Variants in UGT1A8 observed in about 807,000 individuals in gnomAD.
UGT1A8 encodes UDP glucuronosyltransferase family 1 member A8.
A neutral mutation model predicts 45.3 loss-of-function variants in UGT1A8; 39 were observed. The observed-to-expected ratio is 0.86, with a 90% confidence interval of 0.67 to 1.12. The LOEUF (loss-of-function observed/expected upper bound fraction) is 1.12, where lower values mean the gene tolerates loss of function less well. Ranked by LOEUF, UGT1A8 falls within the 50% of genes most tolerant of loss-of-function variation. The probability of loss-of-function intolerance (pLI) is 0.00; values close to 1 mark genes in which losing one functional copy is unlikely to be tolerated. For missense variants in UGT1A8, 719 were observed against 664.9 expected (o/e 1.08, Z -0.90); for synonymous variants, 275 against 249.2 (o/e 1.10, Z -0.97).
intron 1 of UGT1A8, among the ~76,000 whole-genome samples, chr2:233,649,695 T>G (rs539312398): frequency 7.2e-5 from 11 of 152,308 alleles, no homozygotes; most frequent in Non-Finnish European, 1.2e-4. Context: ...CCAGGTGTTT[T>G]TCTGCTAAAG....
chr2:233,672,066 G>T lies in UGT1A8; in HGVS notation c.855+53504G>T, dbSNP rs747820037. The T allele has an allele frequency of 5.0e-6, 8 of 1,614,010 alleles. No individual in the cohort carries two copies. In the African/African-American group the frequency reaches 9.3e-5, roughly 19 times the overall value. On this transcript the variant is annotated intron_variant, in intron 1 of 4. Transcript: ENST00000373450. ...GCCACTGGTTCACCATGAGGTCGGT[G>T]GTGGAGAAACTCATTCTCAGGGGGC...
At chr2:233,625,645 T>C (rs1164050610) in intron 1 of UGT1A8, among the ~76,000 whole-genome samples, 1 of 151,714 alleles carries the variant, frequency 6.6e-6, no homozygotes, top group Non-Finnish European at 1.5e-5. Context: ...TGTAACAACA[T>C]GGATGCAGCT....
At chr2:233,670,093 A>G (rs564949161) in intron 1 of UGT1A8, among the ~76,000 whole-genome samples, 2 of 152,368 alleles carry the variant, frequency 1.3e-5, no homozygotes, top group East Asian at 1.9e-4. Context: ...GGCATGTTAT[A>G]TGTGTTATAT....
chr2:233,648,730 C>G, intron 1 of UGT1A8: 1 of 511,036 alleles, frequency 2.0e-6, no homozygotes, highest in Non-Finnish European at 3.4e-6. Context: ...TCCCAAAGTG[C>G]TGGAATTACA....
chr2:233,675,477 C>T (rs182686828), intron 1 of UGT1A8, among the ~76,000 whole-genome samples: 7 of 152,186 alleles, frequency 4.6e-5, no homozygotes, highest in East Asian at 1.9e-4. Flanking sequence ...ATGGCAGGTG[C>T]GGCTCTGGGG....
chr2:233,735,799 G>A (rs61296714), intron 1 of UGT1A8, among the ~76,000 whole-genome samples: 5,119 of 152,182 alleles, frequency 0.034, 99 homozygotes, highest in African/African-American at 0.051. Context: ...GAATTTCTGG[G>A]TTGAAAATTC....
intron 1 of UGT1A8, among the ~76,000 whole-genome samples, chr2:233,624,863 C>T (rs756556785): frequency 1.7e-4 from 26 of 151,956 alleles, no homozygotes; most frequent in Non-Finnish European, 3.2e-4. Context: ...TAATTTTTGT[C>T]AGATATATTC....
At chr2:233,725,046 G>C in intron 1 of UGT1A8, among the ~76,000 whole-genome samples, 1 of 147,958 alleles carries the variant, frequency 6.8e-6, no homozygotes, top group Non-Finnish European at 1.5e-5. Flanking sequence ...AACCAGTCAG[G>C]CGTGGCGGCG....
chr2:233,737,584 A>G (rs552596961), intron 1 of UGT1A8, among the ~76,000 whole-genome samples: 5 of 152,256 alleles, frequency 3.3e-5, no homozygotes, highest in South Asian at 4.2e-4. Context: ...ACCAGTCCCA[A>G]TGAGATGAAC....
Position 233,768,253 on chromosome 2 carries a change from C to G in UGT1A8, c.1109C>G (p.Ala370Gly). ...HPMTRAFITH[A>G]GSHGVYESIC... ...ATGACCCGTGCCTTTATCACCCATG[C>G]TGGTTCCCATGGTGTTTATGAAAGC... The change falls in exon 4 of 5, where the codon GCT becomes GGT. Residue 370 changes from alanine (A) to glycine (G), a missense_variant. Transcript: ENST00000373450. 6.2e-7 allele frequency: 1 copy of G among 1,614,206 alleles called. No homozygotes were observed. Among genetic ancestry groups the G allele is most frequent in the Non-Finnish European group, 8.5e-7 (1 of 1,180,038 alleles).
chr2:233,637,375 A>AGACTCAGAGTC lies in UGT1A8; in HGVS notation c.855+18813_855+18814insGACTCAGAGTC, dbSNP rs1559318920. The stretch of plus-strand genomic sequence containing the variant: ...CTGTCATCAGGGAAAGCCATTGCCT[A>AGACTCAGAGTC]TGGTAAGTCACCTCTCCTTTAGCAC... On this transcript the variant is annotated intron_variant, in intron 1 of 4. Coordinates refer to ENST00000373450, the MANE Select transcript of UGT1A8 (RefSeq NM_019076.5). 5 of 1,611,812 alleles carry AGACTCAGAGTC rather than the reference A, an allele frequency of 3.1e-6. No individual in the cohort carries two copies. The African/African-American group carries it at 6.7e-5, about 22-fold the overall frequency.
At chr2:233,698,012 A>G (rs1043997277) in intron 1 of UGT1A8, among the ~76,000 whole-genome samples, 2 of 152,200 alleles carry the variant, frequency 1.3e-5, no homozygotes, top group African/African-American at 2.4e-5. Flanking sequence ...ATTTCTGCAC[A>G]TTGGTACCAA....
intron 1 of UGT1A8, chr2:233,682,137 G>A (rs1381446739): frequency 3.1e-6 from 5 of 1,614,078 alleles, no homozygotes; most frequent in South Asian, 1.1e-5. Flanking sequence ...TGGCAACTGG[G>A]AAGATCACTG....
chr2:233,724,020 T>A (rs1486209215), intron 1 of UGT1A8, among the ~76,000 whole-genome samples: 1 of 67,562 alleles, frequency 1.5e-5, no homozygotes. Context: ...ATTGTCATCC[T>A]GGCCCGTTCT....
intron 1 of UGT1A8, chr2:233,743,998 C>G (rs1199821485): frequency 8.1e-7 from 1 of 1,233,642 alleles, no homozygotes; most frequent in African/African-American, 1.6e-5. Context: ...CCCGAGTGCT[C>G]GGAGACCTGG....
intron 1 of UGT1A8, chr2:233,718,754 G>A: frequency 3.7e-6 from 6 of 1,612,386 alleles, no homozygotes; most frequent in Non-Finnish European, 5.1e-6. Flanking sequence ...GGTAATTAAG[G>A]CGAAGGAAAC....
At chr2:233,714,010 T>C in intron 1 of UGT1A8, 1 of 1,531,204 alleles carries the variant, frequency 6.5e-7, no homozygotes, top group Non-Finnish European at 8.8e-7. Flanking sequence ...AGATAAACTT[T>C]TAAAGGGTCA....
At chr2:233,695,228 C>G (rs530081428) in intron 1 of UGT1A8, among the ~76,000 whole-genome samples, 1 of 151,164 alleles carries the variant, frequency 6.6e-6, no homozygotes, top group Non-Finnish European at 1.5e-5. Flanking sequence ...TGGGTTCAAG[C>G]GATTCTCCTG....
At chr2:233,622,797 TG>T (rs2073032313) in intron 1 of UGT1A8, among the ~76,000 whole-genome samples, 1 of 152,236 alleles carries the variant, frequency 6.6e-6, no homozygotes, top group Admixed American at 6.5e-5. Flanking sequence ...ATGAAGTCTT[TG>T]CCCATGCCTA....
Sources: allele counts gnomAD v4.1 joint callset (sites outside exome capture counted in the v4.1 genomes callset), GRCh38; gene constraint gnomAD v4.1.1; transcripts MANE v1.5; gene names NCBI Gene and HGNC (gene_info 2026-07-23, HGNC 2026-07-21).